The following SLC22A23 variants were observed in gnomAD, a reference collection of about 807,000 sequenced individuals.
SLC22A23 encodes the protein ion transporter protein.
SLC22A23 carries 26 observed loss-of-function variants against 61.0 expected under a neutral mutation model. That is an observed-to-expected ratio of 0.43 (90% confidence interval 0.31 to 0.59). The LOEUF (loss-of-function observed/expected upper bound fraction) is 0.59, where lower values mean the gene tolerates loss of function less well. Among genes scored for constraint, SLC22A23 ranks in the 20% least tolerant of loss-of-function variants. SLC22A23 has a pLI of 0.11. For synonymous variants in SLC22A23, 430 were observed against 413.9 expected (o/e 1.04, Z -0.47); for missense variants, 796 against 934.7 (o/e 0.85, Z 1.94).
At chr6:3,278,643 T>A (rs1309340999) in intron 9 of SLC22A23, among the ~76,000 whole-genome samples, 3 of 152,172 alleles carry the variant, frequency 2.0e-5, no homozygotes, top group Admixed American at 6.5e-5. Flanking sequence ...CCCAGGTGAA[T>A]GGGACAGGTT....
chr6:3,434,291 C>G (rs536855945), intron 1 of SLC22A23, among the ~76,000 whole-genome samples: 1 of 151,788 alleles, frequency 6.6e-6, no homozygotes. Context: ...CCACCCTGGG[C>G]GACAGAGCGA....
At chr6:3,326,872 T>A (rs979583757) in intron 3 of SLC22A23, among the ~76,000 whole-genome samples, 7 of 152,218 alleles carry the variant, frequency 4.6e-5, no homozygotes, top group Non-Finnish European at 1.0e-4. Flanking sequence ...TTGCCATTAA[T>A]CACAAGTTTC....
In SLC22A23 at chr6:3,387,026, A is replaced by C. The variant is rs1212448046; in HGVS notation, c.913+23162T>G. 6.6e-6 allele frequency among the ~76,000 whole-genome samples: 1 copy of C among 152,144 alleles called. No individual in the cohort carries two copies. Among genetic ancestry groups the C allele is most frequent in the East Asian group, 1.9e-4 (1 of 5,198 alleles). On this transcript the variant is annotated intron_variant, in intron 3 of 9. Transcript: ENST00000406686. This position sits in a 1 kb window ranked among gnomAD's most constrained non-coding sequence, Gnocchi z 5.0. ...TTTGTTTCTCAGAAAAACCCTACTA[A>C]CCTTTAAAAAATACACACGTTTAGA...
chr6:3,340,483 G>C (rs9503551), intron 3 of SLC22A23, among the ~76,000 whole-genome samples: 1 of 152,112 alleles, frequency 6.6e-6, no homozygotes, highest in African/African-American at 2.4e-5. Context: ...GTAACCATGA[G>C]ATAAATGAAC....
rs146556895 is a variant in SLC22A23 at position 3,329,771 on chromosome 6, G to A, written c.914-5769C>T. Reference sequence around the variant, plus strand: ...CACGGAAGGCTTCCTATGTGTCGCTGGCCTCACAGACATGAGGCCACCCTG... The same window carrying A: ...CACGGAAGGCTTCCTATGTGTCGCTAGCCTCACAGACATGAGGCCACCCTG... On this transcript the variant is annotated intron_variant, in intron 3 of 9. Coordinates refer to ENST00000406686, the MANE Select transcript of SLC22A23 (RefSeq NM_015482.2). This position sits in a 1 kb window ranked among gnomAD's most constrained non-coding sequence, Gnocchi z 4.8. 1.4e-3 allele frequency among the ~76,000 whole-genome samples: 212 copies of A among 152,272 alleles called. No individual in the cohort carries two copies. Among genetic ancestry groups the A allele is most frequent in the African/African-American group, 5.0e-3 (209 of 41,556 alleles).
chr6:3,394,617 T>C (rs150413668), intron 3 of SLC22A23, among the ~76,000 whole-genome samples: 254 of 152,330 alleles, frequency 1.7e-3, no homozygotes, highest in African/African-American at 6.0e-3. Context: ...CAGAAGGGTG[T>C]GACCCCCAGA....
chr6:3,274,275 C>G (rs1758697621), intron 9 of SLC22A23, among the ~76,000 whole-genome samples: 1 of 152,220 alleles, frequency 6.6e-6, no homozygotes, highest in Admixed American at 6.5e-5. Context: ...CAGTGCTGTA[C>G]CAGGCTGCAG....
intron 4 of SLC22A23, among the ~76,000 whole-genome samples, chr6:3,306,796 G>C (rs544177367): frequency 6.6e-6 from 1 of 152,200 alleles, no homozygotes; most frequent in Admixed American, 6.5e-5. Flanking sequence ...AGAGTGGAGA[G>C]TATTTTTCTC....
At position 3,273,173 on chromosome 6, in the gene SLC22A23, TCC is replaced by T; in HGVS notation, c.1941_1942del (p.Glu648AlafsTer24). 6.2e-7 allele frequency: 1 copy of T among 1,612,712 alleles called. No homozygotes were observed. The highest frequency in any genetic ancestry group is 8.5e-7 in the Non-Finnish European group (1 of 1,179,816). On this transcript the variant is annotated frameshift_variant, in exon 10 of 10. Coordinates refer to ENST00000406686, the MANE Select transcript of SLC22A23 (RefSeq NM_015482.2). LOFTEE classifies it high-confidence loss of function. ...GGCGTTGGTGAGCAGCAGTGGCTGC[TCC>T]CCCTTCTTGTGCGGCAGCAGCGGCT...
chr6:3,280,512 T>TTTTTTTTTCC (rs781526188), intron 9 of SLC22A23, among the ~76,000 whole-genome samples: 13 of 98,324 alleles, frequency 1.3e-4, no homozygotes, highest in East Asian at 5.5e-4. Context: ...TTTTTTTTTT[T>TTTTTTTTTCC]TGAGATGGAG....
At position 3,323,944 on chromosome 6, in the gene SLC22A23, C is replaced by T; in HGVS notation, c.972G>A (p.Val324=). The change falls in exon 4 of 10, where the codon GTG becomes GTA. Residue 324 remains valine, a synonymous_variant. Transcript: ENST00000406686. ...GCATGAGGAACTGGCCCGCCATGGC[C>T]ACGAAGCTCGCCACCATCGTAATCA... ...RFMITMVASF[V]AMAGQFLMPG... The T allele has an allele frequency of 6.2e-7, 1 of 1,614,234 alleles. No homozygotes were observed.
At chr6:3,440,048 G>C (rs1280175329) in intron 1 of SLC22A23, among the ~76,000 whole-genome samples, 1 of 152,136 alleles carries the variant, frequency 6.6e-6, no homozygotes, top group Non-Finnish European at 1.5e-5. Flanking sequence ...TGAAGCAAGG[G>C]AGTGATAAAG....
intron 3 of SLC22A23, among the ~76,000 whole-genome samples, chr6:3,389,266 C>A (rs1767506958): frequency 2.8e-5 from 1 of 35,458 alleles, no homozygotes. Context: ...AAAACTCTGT[C>A]TCAAAAAAAA....
intron 1 of SLC22A23, among the ~76,000 whole-genome samples, chr6:3,435,678 G>T (rs1383596517): frequency 6.6e-6 from 1 of 152,184 alleles, no homozygotes; most frequent in Admixed American, 6.6e-5. Context: ...CCTTCTCCCT[G>T]AAGGGACCCT....
In SLC22A23 at chr6:3,322,523, C is replaced by T. The variant is rs1199313516; in HGVS notation, c.1082+1311G>A. Among the ~76,000 whole-genome samples, 8 of 152,216 alleles carry T rather than the reference C, an allele frequency of 5.3e-5. No homozygotes were observed. In the East Asian group the frequency reaches 1.2e-3, roughly 22 times the overall value. On this transcript the variant is annotated intron_variant, in intron 4 of 9. Transcript: ENST00000406686. The surrounding 1 kb of genome is among the most constrained non-coding windows in gnomAD (Gnocchi z 4.1). ...CCAACTTCGGGACAAGAGCTGGAGG[C>T]GGCCCCAGGAGAGGAGCTCAGTTCG... is the stretch of plus-strand genomic sequence containing the variant.
Position 3,456,401 on chromosome 6 carries a change from C to T in SLC22A23, c.159G>A (p.Leu53=), listed in dbSNP as rs1297239531. The T allele has an allele frequency of 6.7e-7, 1 of 1,492,220 alleles. No homozygotes were observed. The highest frequency in any genetic ancestry group is 2.6e-5 in the East Asian group (1 of 37,934). The allele number at this position is 1,492,220 out of a possible 1,614,324, so 92.4% of individuals were successfully genotyped here. A position where few individuals can be genotyped will look rare whatever the true frequency, so the allele number is the denominator to read the frequency against. ...GGCCGCCTCCAGGATGCAGTGGGGG[C>T]AGCGGCTGGATCTCCGCGCCGCCGC... ...GPGGGAEIQP[L]PPLHPGGGPH... The change falls in exon 1 of 10, where the codon CTG becomes CTA. Residue 53 remains leucine (L), a synonymous_variant. Coordinates refer to ENST00000406686, the MANE Select transcript of SLC22A23 (RefSeq NM_015482.2). The surrounding 1 kb of genome is among the most constrained non-coding windows in gnomAD (Gnocchi z 7.1).
At chr6:3,350,144 C>T (rs1291134305) in intron 3 of SLC22A23, among the ~76,000 whole-genome samples, 2 of 152,188 alleles carry the variant, frequency 1.3e-5, no homozygotes, top group Non-Finnish European at 2.9e-5. Flanking sequence ...ATACTTAACC[C>T]TTATTGTGTG....
rs1759719767 is a variant in SLC22A23, at chr6:3,283,899, C to A, written c.1656G>T (p.Gly552=). The change falls in exon 9 of 10, where the codon GGG becomes GGT. Residue 552 remains glycine, a synonymous_variant. Transcript: ENST00000406686. ...IVGMFASHAV[G]SLSVFFCAEI... ...CCGCACAGAAGAACACGCTGAGGCT[C>A]CCCACCGCATGGGAGGCAAACATGC... is the stretch of plus-strand genomic sequence containing the variant. 1 of 1,612,760 alleles carries A rather than the reference C, an allele frequency of 6.2e-7. No individual in the cohort carries two copies.
chr6:3,344,656 T>A (rs1283417750), intron 3 of SLC22A23, among the ~76,000 whole-genome samples: 1 of 152,228 alleles, frequency 6.6e-6, no homozygotes, highest in Non-Finnish European at 1.5e-5. Flanking sequence ...TAAAGATCCT[T>A]TTTCTGGAGG....
Sources: allele counts gnomAD v4.1 joint callset (sites outside exome capture counted in the v4.1 genomes callset), GRCh38; gene constraint gnomAD v4.1.1; non-coding constraint Gnocchi (gnomAD v3.1); transcripts MANE v1.5; gene names NCBI Gene and HGNC (gene_info 2026-07-23, HGNC 2026-07-21).